STK11: variants seen among roughly 807,000 people sequenced by gnomAD.
STK11 encodes serine/threonine kinase 11, also known as serine/threonine-protein kinase STK11.
Under a neutral mutation model 47.3 loss-of-function variants are expected in STK11, and 8 were observed. The observed-to-expected ratio is 0.17, with a 90% CI of 0.10 to 0.31. The LOEUF (loss-of-function observed/expected upper bound fraction) is 0.31, where lower values mean the gene tolerates loss of function less well. STK11 is among the 10% of genes least tolerant of loss of function. The probability of loss-of-function intolerance (pLI) is 1.00; values close to 1 mark genes in which losing one functional copy is unlikely to be tolerated. For synonymous variants in STK11, 330 were observed against 255.8 expected (o/e 1.29, Z -2.77); for missense variants, 475 against 605.0 (o/e 0.79, Z 2.25).
intron 9 of STK11, 30 bp from the exon 10 acceptor site, chr19:1,227,563 G>A: frequency 9.4e-7 from 1 of 1,063,438 alleles, no homozygotes; most frequent in Non-Finnish European, 1.1e-6. Context: ...TGCCCAGGCT[G>A]ACCTCTTCCG....
intron 2 of STK11, 138 bp downstream of exon 2, chr19:1,218,638 C>T: frequency 9.0e-6 from 7 of 779,644 alleles, no homozygotes; most frequent in Non-Finnish European, 1.3e-5. Context: ...TCCCTGGTTC[C>T]CCGGAAGTCA....
At chr19:1,208,318 T>TG (rs2080683511) in intron 1 of STK11, among the ~76,000 whole-genome samples, 2 of 149,860 alleles carry the variant, frequency 1.3e-5, no homozygotes, top group African/African-American at 2.4e-5. Flanking sequence ...TTTTTTTTTT[T>TG]TTTTTTTGAG....
Position 1,220,751 on chromosome 19 carries a change from C to G in STK11, c.734+34C>G, listed in dbSNP as rs558087029. 5.9e-5 allele frequency: 93 copies of G among 1,588,326 alleles called. No homozygotes were observed. The African/African-American group carries it at 1.2e-3, about 20-fold the overall frequency. On this transcript the variant is annotated intron_variant, in intron 5 of 9. Coordinates refer to ENST00000326873, the MANE Select transcript of STK11 (RefSeq NM_000455.5). The stretch of plus-strand genomic sequence containing the variant: ...CCCGCCCCCCCGGGCACTCACCACA[C>G]GCACACTCCGAGGGGCCTCTGCGTC...
Position 1,227,728 on chromosome 19 carries a change from G to T in STK11, c.*152G>T. 1 of 1,071,586 alleles carries T rather than the reference G, an allele frequency of 9.3e-7. No homozygotes were observed. Among genetic ancestry groups the T allele is most frequent in the South Asian group, 4.5e-5 (1 of 22,024 alleles). 66.4% of individuals were successfully genotyped at this position (1,071,586 alleles called of 1,614,324 possible). A position where few individuals can be genotyped will look rare whatever the true frequency, so the allele number is the denominator to read the frequency against. Reference sequence around the variant, plus strand: ...CAGGACCTCCGGAGCGCCCTGCAGGGCCGGGCAGGGGGACAGCAGGGACCG... The same window carrying T: ...CAGGACCTCCGGAGCGCCCTGCAGGTCCGGGCAGGGGGACAGCAGGGACCG... On this transcript the variant is annotated 3_prime_UTR_variant, in exon 10 of 10. Transcript: ENST00000326873.
chr19:1,219,315 G>T lies in STK11; in HGVS notation c.375-9G>T, dbSNP rs1060503782. ...CCGCCCCCTGAGCTGTGTGTCCTTA[G>T]CGCCCCACGTATATGGTGATGGAGT... is the stretch of plus-strand genomic sequence containing the variant. On this transcript the variant is annotated splice_polypyrimidine_tract_variant and intron_variant, in intron 2 of 9. Transcript: ENST00000326873. 3.2e-6 allele frequency: 5 copies of T among 1,576,692 alleles called. No individual in the cohort carries two copies. Among genetic ancestry groups the T allele is most frequent in the Non-Finnish European group, 2.6e-6 (3 of 1,161,836 alleles).
intron 1 of STK11, among the ~76,000 whole-genome samples, chr19:1,209,419 C>T (rs1314601288): frequency 6.6e-6 from 1 of 151,884 alleles, no homozygotes; most frequent in Admixed American, 6.6e-5. Context: ...CCCATCTCTA[C>T]TAAAAATACA....
At chr19:1,221,099 G>T in intron 5 of STK11, 114 bp from the exon 6 acceptor site, 1 of 1,447,392 alleles carries the variant, frequency 6.9e-7, no homozygotes, top group Non-Finnish European at 9.4e-7. Context: ...TGAGTCCACA[G>T]GGCCTCTGGT....
chr19:1,210,606 A>G (rs1372861341), intron 1 of STK11, among the ~76,000 whole-genome samples: 4 of 152,256 alleles, frequency 2.6e-5, no homozygotes, highest in African/African-American at 9.6e-5. Flanking sequence ...ATGTTCGGTC[A>G]TGCCTGTAAT....
At chr19:1,223,539 C>T (rs2080800728) in intron 8 of STK11, 2 of 1,040,102 alleles carry the variant, frequency 1.9e-6, no homozygotes, top group South Asian at 3.2e-5. Context: ...CAGGGTGGCC[C>T]CTCAGACAGC....
intron 2 of STK11, among the ~76,000 whole-genome samples, chr19:1,218,873 G>C (rs2080761864): frequency 6.6e-6 from 1 of 152,212 alleles, no homozygotes; most frequent in African/African-American, 2.4e-5. Context: ...CACCCCCATG[G>C]GTCTTACGGG....
chr19:1,216,863 CTG>C (rs1033919460), intron 1 of STK11, among the ~76,000 whole-genome samples: 1 of 151,410 alleles, frequency 6.6e-6, no homozygotes, highest in Non-Finnish European at 1.5e-5. Flanking sequence ...GCATCACACA[CTG>C]TGTGTCCTTT....
In STK11 at chr19:1,221,354, C is replaced by T. The variant is rs562847220; in HGVS notation, c.862+14C>T. On this transcript the variant is annotated intron_variant, in intron 6 of 9. Transcript: ENST00000326873. ...ACCTGCTGAAAGGTGGGAGCCTCATCCCTCTGCCCGCAGCCCCAGGGAGGC... is the reference window on the plus strand; with the variant it reads ...ACCTGCTGAAAGGTGGGAGCCTCATTCCTCTGCCCGCAGCCCCAGGGAGGC... 3 of 1,597,066 alleles carry T rather than the reference C, an allele frequency of 1.9e-6. No homozygotes were observed. The highest frequency in any genetic ancestry group is 2.7e-5 in the African/African-American group (2 of 74,822).
chr19:1,218,958 G>T (rs1489775815), intron 2 of STK11, among the ~76,000 whole-genome samples: 1 of 152,182 alleles, frequency 6.6e-6, no homozygotes, highest in Non-Finnish European at 1.5e-5. Context: ...TCCTGAGGCT[G>T]GGGCTGTGTT....
intron 8 of STK11, chr19:1,223,678 C>G: frequency 9.6e-7 from 1 of 1,046,406 alleles, no homozygotes; most frequent in Non-Finnish European, 1.2e-6. Context: ...GAGCGGAGCG[C>G]GGCTTGCAGA....
intron 8 of STK11, chr19:1,224,945 G>A (rs2080810559): frequency 1.0e-6 from 1 of 985,444 alleles, no homozygotes; most frequent in African/African-American, 1.7e-5. Context: ...GTTGGGGCAG[G>A]ACAGCCCGGC....
intron 1 of STK11, among the ~76,000 whole-genome samples, chr19:1,213,216 C>T (rs2080723718): frequency 6.6e-6 from 1 of 150,652 alleles, no homozygotes; most frequent in African/African-American, 2.5e-5. Flanking sequence ...CCAGGATGGT[C>T]TCGATCTCCT....
rs577581156 is a variant in STK11, at chr19:1,223,129, C to G, written c.1065C>G (p.Asp355Glu). ...CGGACGAGGACGAGGACCTCTTCGA[C>G]ATCGAGGATGACATCATCTACACTC... ...HGADEDEDLFDIEDDIIYTQD... is the reference protein window; with the variant it reads ...HGADEDEDLFEIEDDIIYTQD... The change falls in exon 8 of 10, where the codon GAC (aspartate) becomes GAG (glutamate). Residue 355 changes from aspartate to glutamate, a missense_variant. Asp to Glu is a conservative substitution (Grantham distance 45). Transcript: ENST00000326873. The G allele has an allele frequency of 1.2e-6, 2 of 1,611,872 alleles. No homozygotes were observed. The highest frequency in any genetic ancestry group is 2.2e-5 in the South Asian group (2 of 90,852).
chr19:1,225,130 G>C (rs966916654), intron 8 of STK11: 1 of 985,412 alleles, frequency 1.0e-6, no homozygotes, highest in Non-Finnish European at 1.2e-6. Context: ...AGGAGTGTGG[G>C]GTGGGGCAAG....
intron 1 of STK11, among the ~76,000 whole-genome samples, chr19:1,210,408 C>T (rs1402934539): frequency 6.6e-6 from 1 of 152,136 alleles, no homozygotes; most frequent in Non-Finnish European, 1.5e-5. Flanking sequence ...GTGTGGAAAG[C>T]GTGGGCGATC....
Sources: gnomAD v4.1 joint callset for allele counts (sites outside exome capture counted in the v4.1 genomes callset) on GRCh38, gnomAD v4.1.1 for gene constraint, MANE v1.5 for transcripts, NCBI Gene and HGNC (gene_info 2026-07-23, HGNC 2026-07-21) for gene names.